MEF2C: variants seen among roughly 807,000 people sequenced by gnomAD.
The protein encoded by MEF2C is myocyte-specific enhancer factor 2C.
MEF2C carries 6 observed loss-of-function variants against 50.5 expected under a neutral mutation model. That is an observed-to-expected ratio of 0.12 (90% CI 0.07 to 0.23). MEF2C has a LOEUF of 0.23. MEF2C is among the 10% of genes least tolerant of loss of function. The pLI is 1.00. For synonymous variants in MEF2C, 183 were observed against 228.0 expected, an observed-to-expected ratio of 0.80 and a Z score of 1.78; for missense variants, 276 against 605.0, an observed-to-expected ratio of 0.46 and a Z score of 5.70.
intron 1 of MEF2C, among the ~76,000 whole-genome samples, chr5:88,862,911 G>C (rs1173464735): frequency 6.6e-6 from 1 of 152,188 alleles, no homozygotes; most frequent in African/African-American, 2.4e-5. Context: ...TTCATTAGGT[G>C]CCCCCAATTT....
chr5:88,812,395 A>C (rs1237495122), intron 2 of MEF2C, among the ~76,000 whole-genome samples: 1 of 152,158 alleles, frequency 6.6e-6, no homozygotes, highest in Non-Finnish European at 1.5e-5. Flanking sequence ...TGTTAACAAG[A>C]AGTTTGCTAC....
At chr5:88,746,451 T>C (rs1769647009) in intron 6 of MEF2C, 1 of 886,838 alleles carries the variant, frequency 1.1e-6, no homozygotes, top group Non-Finnish European at 1.3e-6. Context: ...CTTTTTTTTT[T>C]TTTTTAACAA....
chr5:88,735,257 C>A (rs1763621444), intron 6 of MEF2C: 2 of 985,230 alleles, frequency 2.0e-6, no homozygotes, highest in Admixed American at 6.2e-5. Flanking sequence ...GATAAATTCA[C>A]CAAAGAGAAT....
chr5:88,720,598 T>C lies in MEF2C; in HGVS notation c.*2006A>G, dbSNP rs988636114. On this transcript the variant is annotated 3_prime_UTR_variant, in exon 11 of 11. Transcript: ENST00000504921. ...ATAGCAGTGTTGATATTACTGCCTATATCTTCTTTGCTGTGTATGTCAATG... is the reference window on the plus strand; with the variant it reads ...ATAGCAGTGTTGATATTACTGCCTACATCTTCTTTGCTGTGTATGTCAATG... 6.6e-6 allele frequency: 1 copy of C among 152,648 alleles called. No individual in the cohort carries two copies. Among genetic ancestry groups the C allele is most frequent in the Non-Finnish European group, 1.5e-5 (1 of 68,022 alleles). The allele number at this position is 152,648 out of a possible 1,614,324, so 9.5% of individuals were successfully genotyped here.
chr5:88,773,071 T>C (rs2152793714), intron 3 of MEF2C, among the ~76,000 whole-genome samples: 1 of 152,376 alleles, frequency 6.6e-6, no homozygotes, highest in Admixed American at 6.5e-5. Context: ...CAGCCGCCTG[T>C]GGCTGCCTGG....
intron 6 of MEF2C, 33 bp downstream of exon 6, chr5:88,749,037 T>C: frequency 3.2e-6 from 5 of 1,559,016 alleles, no homozygotes; most frequent in Non-Finnish European, 4.3e-6. Context: ...CTCAGAACAA[T>C]GATACATACT....
At chr5:88,862,020 G>C (rs1253546721) in intron 1 of MEF2C, among the ~76,000 whole-genome samples, 1 of 152,090 alleles carries the variant, frequency 6.6e-6, no homozygotes, top group Non-Finnish European at 1.5e-5. Flanking sequence ...GTGCAACCCA[G>C]TTCTTCCACC....
intron 1 of MEF2C, among the ~76,000 whole-genome samples, chr5:88,893,397 G>C (rs1016478006): frequency 6.7e-6 from 1 of 149,896 alleles, no homozygotes; most frequent in African/African-American, 2.5e-5. Context: ...TGCAACCTCT[G>C]CCTCCCATAG....
chr5:88,814,756 T>C (rs1581130861), intron 2 of MEF2C, among the ~76,000 whole-genome samples: 2 of 152,066 alleles, frequency 1.3e-5, no homozygotes, highest in African/African-American at 4.8e-5. Context: ...AATAATCGAA[T>C]GCACATTAAT....
chr5:88,785,971 GA>G (rs1252035076), intron 3 of MEF2C, among the ~76,000 whole-genome samples: 2 of 152,124 alleles, frequency 1.3e-5, no homozygotes, highest in African/African-American at 4.8e-5. Context: ...TGAATGAATA[GA>G]ACTGGATTAC....
chr5:88,824,236 T>A, intron 1 of MEF2C: 1 of 974,624 alleles, frequency 1.0e-6, no homozygotes, highest in South Asian at 4.8e-5. Context: ...CTAATCTTTT[T>A]AATGAAATTA....
intron 4 of MEF2C, among the ~76,000 whole-genome samples, chr5:88,758,249 C>T (rs1776264396): frequency 6.6e-6 from 1 of 152,024 alleles, no homozygotes; most frequent in African/African-American, 2.4e-5. Context: ...TGTTTCTTTC[C>T]ACTTCCTCCC....
intron 1 of MEF2C, among the ~76,000 whole-genome samples, chr5:88,841,718 A>G (rs766595670): frequency 6.6e-6 from 1 of 152,204 alleles, no homozygotes; most frequent in Admixed American, 6.5e-5. Flanking sequence ...AAAATAAAGC[A>G]AAGAAGCATT....
chr5:88,779,549 C>T (rs1302683831), intron 3 of MEF2C, among the ~76,000 whole-genome samples: 1 of 151,868 alleles, frequency 6.6e-6, no homozygotes, highest in Non-Finnish European at 1.5e-5. Context: ...TGGAAACTGC[C>T]AGTCTCACAT....
intron 1 of MEF2C, among the ~76,000 whole-genome samples, chr5:88,834,376 C>T (rs955567341): frequency 9.2e-5 from 14 of 152,098 alleles, no homozygotes; most frequent in South Asian, 2.1e-4. Context: ...AATCATGATG[C>T]TTAATATCAC....
chr5:88,740,677 C>T (rs370334934), intron 6 of MEF2C: 2 of 500,484 alleles, frequency 4.0e-6, no homozygotes, highest in Admixed American at 9.6e-5. Flanking sequence ...GTCTCCAGTA[C>T]AAAAAAAAAA....
At chr5:88,855,806 T>C (rs1823108213) in intron 1 of MEF2C, among the ~76,000 whole-genome samples, 1 of 152,232 alleles carries the variant, frequency 6.6e-6, no homozygotes, top group Admixed American at 6.5e-5. Flanking sequence ...GTGAGTCAAT[T>C]AAACTTCTTT....
At chr5:88,748,297 T>G (rs548979125) in intron 6 of MEF2C, 3 of 563,236 alleles carry the variant, frequency 5.3e-6, no homozygotes, top group East Asian at 2.9e-4. Flanking sequence ...GTGTCATTCA[T>G]GCCTGCCTCC....
At position 88,728,605 on chromosome 5, in the gene MEF2C, G is replaced by A. The variant is rs748106924; in HGVS notation, c.988C>T (p.Leu330=). ...GTGTTAAACCCAGACAGAGATGACA[G>A]GTCTGCACTACTCAGAGAGTACTCT... is the stretch of plus-strand genomic sequence containing the variant. ...GTEYSLSSAD[L]SSLSGFNTAS... Residue 330 remains leucine, a synonymous_variant, in exon 10 of 11, where the codon CTG becomes TTG. Coordinates refer to ENST00000504921, the MANE Select transcript of MEF2C (RefSeq NM_002397.5). 2 of 1,515,340 alleles carry A rather than the reference G, an allele frequency of 1.3e-6. No homozygotes were observed. The highest frequency in any genetic ancestry group is 2.1e-5 in the Admixed American group (1 of 48,008). The allele number at this position is 1,515,340 out of a possible 1,614,324, so 93.9% of individuals were successfully genotyped here. A position where few individuals can be genotyped will look rare whatever the true frequency, so the allele number is the denominator to read the frequency against.
Sources: gnomAD v4.1 joint callset for allele counts (sites outside exome capture counted in the v4.1 genomes callset) on GRCh38, gnomAD v4.1.1 for gene constraint, MANE v1.5 for transcripts, NCBI Gene and HGNC (gene_info 2026-07-23, HGNC 2026-07-21) for gene names.